The following CNTN4 variants were observed in gnomAD, a reference collection of about 807,000 sequenced individuals.
CNTN4 encodes contactin-4.
Under a neutral mutation model 122.5 loss-of-function variants are expected in CNTN4, and 77 were observed. The ratio of observed to expected loss-of-function variants is 0.63; its 90% CI spans 0.52 to 0.76. CNTN4 has a LOEUF of 0.76. Among genes scored for constraint, CNTN4 ranks in the 30% least tolerant of loss-of-function variants. The pLI is 0.00. For missense variants in CNTN4, 1,256 were observed against 1,259.1 expected (o/e 1.00, Z 0.04); for synonymous variants, 512 against 447.0 (o/e 1.15, Z -1.83).
intron 4 of CNTN4, among the ~76,000 whole-genome samples, chr3:2,626,451 C>G (rs551139606): frequency 6.6e-6 from 1 of 150,766 alleles, no homozygotes; most frequent in South Asian, 2.1e-4. Context: ...GAGCCGAGAT[C>G]GCGCCACCGC....
intron 2 of CNTN4, among the ~76,000 whole-genome samples, chr3:2,242,183 A>T (rs541435015): frequency 1.4e-4 from 22 of 152,088 alleles, no homozygotes; most frequent in Admixed American, 1.4e-3. Flanking sequence ...AACGATAGAC[A>T]TTTTCTTTGA....
intron 2 of CNTN4, chr3:2,144,365 A>G (rs886984888): frequency 1.3e-5 from 2 of 152,238 alleles, no homozygotes; most frequent in African/African-American, 2.4e-5. Context: ...GACAGTTGCC[A>G]TGATAAATCA....
At chr3:2,694,510 A>G (rs552262765) in intron 4 of CNTN4, among the ~76,000 whole-genome samples, 136 of 152,296 alleles carry the variant, frequency 8.9e-4, no homozygotes, top group Non-Finnish European at 1.7e-3. Context: ...TAGGTGGATC[A>G]CTTTAGGTCA....
chr3:2,113,864 G>A (rs2033148291), intron 2 of CNTN4, among the ~76,000 whole-genome samples: 1 of 152,112 alleles, frequency 6.6e-6, no homozygotes, highest in South Asian at 2.1e-4. Flanking sequence ...TCTTCCTTAT[G>A]CTGAAGATCG....
intron 7 of CNTN4, among the ~76,000 whole-genome samples, chr3:2,855,367 C>T (rs1461960619): frequency 6.6e-6 from 1 of 152,202 alleles, no homozygotes; most frequent in East Asian, 1.9e-4. Context: ...CTTGGAATAG[C>T]TTATGTAATT....
chr3:2,677,143 A>C (rs2084895717), intron 4 of CNTN4, among the ~76,000 whole-genome samples: 1 of 150,450 alleles, frequency 6.6e-6, no homozygotes. Flanking sequence ...ATAGATAGAT[A>C]GATAGATAGA....
intron 2 of CNTN4, among the ~76,000 whole-genome samples, chr3:2,272,973 C>T (rs531934007): frequency 4.6e-5 from 7 of 152,142 alleles, no homozygotes; most frequent in African/African-American, 7.2e-5. Context: ...CAAAGCCCTG[C>T]GTCTTGAGGT....
chr3:2,103,259 A>C (rs1273713225), intron 2 of CNTN4, among the ~76,000 whole-genome samples: 1 of 152,034 alleles, frequency 6.6e-6, no homozygotes, highest in East Asian at 1.9e-4. Context: ...CCTATATATA[A>C]AAAAGTTGCC....
intron 3 of CNTN4, among the ~76,000 whole-genome samples, chr3:2,365,143 C>A (rs960123858): frequency 6.6e-6 from 1 of 151,970 alleles, no homozygotes; most frequent in South Asian, 2.1e-4. Context: ...TGATTTGAAG[C>A]CCTTGTAACG....
chr3:2,283,022 T>C (rs973084766), intron 2 of CNTN4, among the ~76,000 whole-genome samples: 12 of 152,134 alleles, frequency 7.9e-5, no homozygotes, highest in Non-Finnish European at 7.4e-5. Context: ...TATTGCTTAA[T>C]GGGTATGGAG....
chr3:2,340,652 C>A (rs1012073836), intron 3 of CNTN4, among the ~76,000 whole-genome samples: 5 of 122,694 alleles, frequency 4.1e-5, no homozygotes, highest in African/African-American at 1.5e-4. Flanking sequence ...TGCACTGTAG[C>A]CTGGGTGACA....
chr3:2,590,957 C>A (rs1203374608), intron 4 of CNTN4, among the ~76,000 whole-genome samples: 5 of 152,264 alleles, frequency 3.3e-5, no homozygotes, highest in African/African-American at 1.2e-4. Context: ...TTGTCATAGG[C>A]ATATAACTGT....
At chr3:2,163,202 A>G (rs1295461841) in intron 2 of CNTN4, among the ~76,000 whole-genome samples, 1 of 152,170 alleles carries the variant, frequency 6.6e-6, no homozygotes, top group Non-Finnish European at 1.5e-5. Flanking sequence ...AAAGCCAAAT[A>G]CTCATAGCCA....
At chr3:2,329,182 ACTGT>A (rs1396979352) in intron 2 of CNTN4, among the ~76,000 whole-genome samples, 24 of 152,204 alleles carry the variant, frequency 1.6e-4, no homozygotes, top group Non-Finnish European at 2.9e-4. Flanking sequence ...TAAAAATAAT[ACTGT>A]CTACCAGCAG....
rs182711208 is a variant in CNTN4, at chr3:2,691,140, G to A, written c.56-45075G>A. ...TGTATGGCTTGTCTCTGCATTGGCA[G>A]TTACCCCGGCATATCTCAGTTTCAG... On this transcript the variant is annotated intron_variant, in intron 4 of 24. Transcript: ENST00000418658. Among the ~76,000 whole-genome samples, 128 of 152,290 alleles carry A rather than the reference G, an allele frequency of 8.4e-4. 1 individual carries two copies. Among genetic ancestry groups the A allele is most frequent in the African/African-American group, 2.9e-3 (119 of 41,576 alleles).
intron 14 of CNTN4, among the ~76,000 whole-genome samples, chr3:3,024,873 A>G (rs1314741484): frequency 6.6e-6 from 1 of 152,198 alleles, no homozygotes; most frequent in East Asian, 1.9e-4. Context: ...CCCTGAATAA[A>G]TATTTATGTA....
chr3:2,237,889 A>G (rs2039746364), intron 2 of CNTN4, among the ~76,000 whole-genome samples: 1 of 152,188 alleles, frequency 6.6e-6, no homozygotes, highest in Admixed American at 6.5e-5. Flanking sequence ...ATAGGCCATT[A>G]TTAAAATAGA....
intron 3 of CNTN4, among the ~76,000 whole-genome samples, chr3:2,426,382 G>A (rs565788131): frequency 6.6e-6 from 1 of 152,006 alleles, no homozygotes; most frequent in African/African-American, 2.4e-5. Flanking sequence ...ATTGATTTTC[G>A]TTATGTTGAA....
At chr3:2,539,992 T>G (rs975074998) in intron 3 of CNTN4, among the ~76,000 whole-genome samples, 2 of 152,016 alleles carry the variant, frequency 1.3e-5, no homozygotes, top group African/African-American at 2.4e-5. Flanking sequence ...AGAATAACTT[T>G]TAATAATACA....
Sources: allele counts gnomAD v4.1 joint callset (sites outside exome capture counted in the v4.1 genomes callset), GRCh38; gene constraint gnomAD v4.1.1; transcripts MANE v1.5; gene names NCBI Gene and HGNC (gene_info 2026-07-23, HGNC 2026-07-21).